Variants in ZBTB44 observed in about 807,000 individuals in gnomAD.
The protein encoded by ZBTB44 is zinc finger and BTB domain containing 44, also known as zinc finger and BTB domain-containing protein 44.
In ZBTB44, 15 loss-of-function variants were observed where a neutral mutation model predicts 54.0. The observed-to-expected ratio is 0.28, with a 90% confidence interval of 0.19 to 0.43. The LOEUF (loss-of-function observed/expected upper bound fraction) is 0.43, where lower values mean the gene tolerates loss of function less well. Among genes scored for constraint, ZBTB44 ranks in the 20% least tolerant of loss-of-function variants. The pLI is 1.00. For synonymous variants in ZBTB44, 230 were observed against 250.1 expected, an observed-to-expected ratio of 0.92 and a Z score of 0.76; for missense variants, 487 against 707.1, an observed-to-expected ratio of 0.69 and a Z score of 3.53.
intron 2 of ZBTB44, among the ~76,000 whole-genome samples, chr11:130,244,347 A>C (rs1027132401): frequency 1.3e-5 from 2 of 152,100 alleles, no homozygotes; most frequent in Admixed American, 1.3e-4. Context: ...AATAGCAAAC[A>C]AGCTTTTGGT....
chr11:130,245,219 C>G (rs1355435982), intron 2 of ZBTB44, among the ~76,000 whole-genome samples: 3 of 152,050 alleles, frequency 2.0e-5, no homozygotes. Flanking sequence ...CTTTTTCTTT[C>G]TCTATCAAAC....
intron 1 of ZBTB44, among the ~76,000 whole-genome samples, chr11:130,303,866 A>C (rs1942122886): frequency 6.6e-6 from 1 of 152,204 alleles, no homozygotes; most frequent in Non-Finnish European, 1.5e-5. Context: ...TTCTCTAATT[A>C]ATAAGCTTCA....
In ZBTB44 at chr11:130,267,579, A is replaced by T. The variant is rs143347355; in HGVS notation, c.-56-5650T>A. 2.7e-4 allele frequency among the ~76,000 whole-genome samples: 41 copies of T among 151,824 alleles called. 1 individual carries two copies. The East Asian group carries it at 7.9e-3, about 29-fold the overall frequency. On this transcript the variant is annotated intron_variant, in intron 1 of 7. Coordinates refer to ENST00000357899, the MANE Select transcript of ZBTB44 (RefSeq NM_001301098.2). The stretch of plus-strand genomic sequence containing the variant: ...ATCACCACGCCTGGCTAATTTTTAA[A>T]TTTTTTTATTTCTTTAGGTAGAGAT...
At chr11:130,240,118 T>A (rs1354757156) in intron 2 of ZBTB44, among the ~76,000 whole-genome samples, 1 of 149,804 alleles carries the variant, frequency 6.7e-6, no homozygotes, top group African/African-American at 2.4e-5. Flanking sequence ...CTCGGCTCAC[T>A]GCAAGCTCTG....
chr11:130,251,884 A>T (rs1938034001), intron 2 of ZBTB44, among the ~76,000 whole-genome samples: 1 of 152,268 alleles, frequency 6.6e-6, no homozygotes, highest in Non-Finnish European at 1.5e-5. Context: ...ATAACCAGCT[A>T]GCATCATGAC....
chr11:130,307,287 T>C (rs1266091327), intron 1 of ZBTB44, among the ~76,000 whole-genome samples: 1 of 151,966 alleles, frequency 6.6e-6, no homozygotes, highest in Admixed American at 6.6e-5. Context: ...TAGCCAGGCA[T>C]GGTGGCAGGC....
At chr11:130,236,081 G>A in intron 5 of ZBTB44, 1 of 1,231,042 alleles carries the variant, frequency 8.1e-7, no homozygotes, top group Non-Finnish European at 1.0e-6. Flanking sequence ...ATCTAGAGAA[G>A]GCCTTAGAAA....
intron 1 of ZBTB44, among the ~76,000 whole-genome samples, chr11:130,281,209 A>C (rs529172431): frequency 3.0e-3 from 451 of 152,260 alleles, no homozygotes; most frequent in South Asian, 5.2e-3. Context: ...TAATCATCCA[A>C]AGTGTCTGCC....
chr11:130,296,848 A>G (rs939347164), intron 1 of ZBTB44: 20 of 740,940 alleles, frequency 2.7e-5, no homozygotes, highest in South Asian at 1.1e-4. Context: ...TTTAATGTAA[A>G]TAACTTAAAT....
At chr11:130,235,164 A>T in intron 5 of ZBTB44, among the ~76,000 whole-genome samples, 1 of 152,222 alleles carries the variant, frequency 6.6e-6, no homozygotes, top group East Asian at 1.9e-4. Context: ...AGGTTATTTT[A>T]TAATTTCATT....
intron 1 of ZBTB44, among the ~76,000 whole-genome samples, chr11:130,313,055 G>A (rs954646827): frequency 1.3e-5 from 2 of 151,970 alleles, no homozygotes; most frequent in Non-Finnish European, 2.9e-5. Flanking sequence ...TGTATAGAAC[G>A]AACCTCTATA....
chr11:130,242,834 C>T (rs1954440802), intron 2 of ZBTB44, among the ~76,000 whole-genome samples: 1 of 152,180 alleles, frequency 6.6e-6, no homozygotes, highest in Non-Finnish European at 1.5e-5. Flanking sequence ...TCTCAGCCAA[C>T]CTCTCCTCTC....
intron 1 of ZBTB44, among the ~76,000 whole-genome samples, chr11:130,307,149 G>C (rs1942314157): frequency 6.6e-6 from 1 of 152,058 alleles, no homozygotes; most frequent in African/African-American, 2.4e-5. Flanking sequence ...TGTAGCCCGG[G>C]TGTGGTGGCT....
At chr11:130,266,001 C>A (rs1192494049) in intron 1 of ZBTB44, among the ~76,000 whole-genome samples, 1 of 152,222 alleles carries the variant, frequency 6.6e-6, no homozygotes, top group Non-Finnish European at 1.5e-5. Context: ...TCAATACAGA[C>A]AACACAGCCT....
At chr11:130,277,638 TATAAC>T (rs1277573634) in intron 1 of ZBTB44, among the ~76,000 whole-genome samples, 1 of 152,116 alleles carries the variant, frequency 6.6e-6, no homozygotes, top group Non-Finnish European at 1.5e-5. Context: ...TTAATAAACT[TATAAC>T]AAGAAAGGAG....
chr11:130,296,599 AG>A (rs2134410807), intron 1 of ZBTB44: 1 of 890,180 alleles, frequency 1.1e-6, no homozygotes, highest in Admixed American at 1.7e-5. Context: ...GAACAGCCAG[AG>A]GCCTAAATGG....
At chr11:130,273,098 GAT>G (rs1362497149) in intron 1 of ZBTB44, among the ~76,000 whole-genome samples, 1 of 152,126 alleles carries the variant, frequency 6.6e-6, no homozygotes, top group Non-Finnish European at 1.5e-5. Context: ...CAAGGATTCT[GAT>G]AGGAACTGCA....
At chr11:130,252,442 G>C (rs1938091331) in intron 2 of ZBTB44, among the ~76,000 whole-genome samples, 1 of 152,122 alleles carries the variant, frequency 6.6e-6, no homozygotes, top group Admixed American at 6.5e-5. Context: ...GACAGCTATA[G>C]AACTCTCCAC....
intron 2 of ZBTB44, among the ~76,000 whole-genome samples, chr11:130,252,105 AAAG>A (rs1284796965): frequency 1.3e-5 from 2 of 152,220 alleles, no homozygotes; most frequent in East Asian, 1.9e-4. Flanking sequence ...GAAAGAAAAA[AAAG>A]AAGCAGGGGC....
Sources: allele counts gnomAD v4.1 joint callset (sites outside exome capture counted in the v4.1 genomes callset), GRCh38; gene constraint gnomAD v4.1.1; transcripts MANE v1.5; gene names NCBI Gene and HGNC (gene_info 2026-07-23, HGNC 2026-07-21).